FRYL: variants seen among roughly 807,000 people sequenced by gnomAD.
FRYL encodes FRY like transcription coactivator.
FRYL carries 150 observed loss-of-function variants against 351.2 expected under a neutral mutation model. The observed-to-expected ratio is 0.43, with a 90% CI of 0.37 to 0.49. The LOEUF (loss-of-function observed/expected upper bound fraction) is 0.49, where lower values mean the gene tolerates loss of function less well. FRYL is among the 20% of genes least tolerant of loss of function. The probability of loss-of-function intolerance (pLI) is 0.00; values close to 1 mark genes in which losing one functional copy is unlikely to be tolerated. For missense variants in FRYL, 3,036 were observed against 3,619.3 expected (o/e 0.84, Z 4.13); for synonymous variants, 1,153 against 1,257.1 (o/e 0.92, Z 1.75).
intron 31 of FRYL, among the ~76,000 whole-genome samples, 188 bp downstream of exon 31, chr4:48,563,760 A>G (rs530618592): frequency 2.0e-4 from 30 of 152,172 alleles, no homozygotes; most frequent in African/African-American, 6.7e-4. Flanking sequence ...AAATACAAAT[A>G]CTACAGCATT....
At chr4:48,702,777 GAAAA>G (rs1560881186) in intron 2 of FRYL, among the ~76,000 whole-genome samples, 1 of 142,090 alleles carries the variant, frequency 7.0e-6, no homozygotes, top group African/African-American at 2.6e-5. Context: ...AAAAAAAAAA[GAAAA>G]AGAAAGAAAA....
intron 3 of FRYL, among the ~76,000 whole-genome samples, chr4:48,664,416 G>A (rs1265030319): frequency 6.6e-6 from 1 of 152,174 alleles, no homozygotes; most frequent in African/African-American, 2.4e-5. Flanking sequence ...ATGAAAATAA[G>A]GAAACAGATT....
At chr4:48,738,085 A>G (rs1771640038) in intron 1 of FRYL, among the ~76,000 whole-genome samples, 1 of 152,218 alleles carries the variant, frequency 6.6e-6, no homozygotes, top group East Asian at 1.9e-4. Context: ...TTTCAATATC[A>G]TACTAGACGT....
chr4:48,622,960 G>A lies in FRYL; in HGVS notation c.174+166C>T, dbSNP rs540157444. On this transcript the variant is annotated intron_variant, in intron 5 of 63. Transcript: ENST00000358350. The stretch of plus-strand genomic sequence containing the variant: ...GCTAAATGAAGTGAAACTAATCACA[G>A]CTCATTATACTACTTATTTAAAAAA... Among the ~76,000 whole-genome samples the A allele has an allele frequency of 5.9e-5, 9 of 152,020 alleles. No individual in the cohort carries two copies. In the East Asian group the frequency reaches 1.7e-3, roughly 29 times the overall value.
chr4:48,642,746 T>C (rs913840191), intron 3 of FRYL, among the ~76,000 whole-genome samples: 10 of 152,116 alleles, frequency 6.6e-5, no homozygotes, highest in African/African-American at 2.4e-4. Context: ...TATAGTTTCC[T>C]TGAGGTTATT....
chr4:48,696,640 C>G (rs993568109), intron 2 of FRYL, among the ~76,000 whole-genome samples: 5 of 151,960 alleles, frequency 3.3e-5, no homozygotes, highest in African/African-American at 1.2e-4. Flanking sequence ...CACACGTATA[C>G]CTATACAACA....
At chr4:48,653,667 T>A (rs1305109162) in intron 3 of FRYL, 1 of 1,234,202 alleles carries the variant, frequency 8.1e-7, no homozygotes, top group Non-Finnish European at 1.1e-6. Context: ...ATGGCAATGA[T>A]AATAATACCT....
intron 48 of FRYL, among the ~76,000 whole-genome samples, chr4:48,535,358 G>C (rs1157122866): frequency 2.0e-5 from 3 of 151,906 alleles, no homozygotes; most frequent in Non-Finnish European, 4.4e-5. Flanking sequence ...CTTAAGGACA[G>C]TAAATAAGGA....
At chr4:48,617,096 A>G (rs1373770147) in intron 7 of FRYL, among the ~76,000 whole-genome samples, 2 of 152,188 alleles carry the variant, frequency 1.3e-5, no homozygotes, top group Non-Finnish European at 1.5e-5. Flanking sequence ...GGTGAGATAC[A>G]TATAAATGTA....
In FRYL at chr4:48,540,972, G is replaced by A. The variant is rs1204903105; in HGVS notation, c.5688-12C>T. Reference sequence around the variant, plus strand: ...CATGATATGAGGTTCTTAAAAAAAAGAAAGAATAGATGAATGCATACCCAG... The same window carrying A: ...CATGATATGAGGTTCTTAAAAAAAAAAAAGAATAGATGAATGCATACCCAG... On this transcript the variant is annotated splice_polypyrimidine_tract_variant and intron_variant, in intron 45 of 63. Coordinates refer to ENST00000358350, the MANE Select transcript of FRYL (RefSeq NM_015030.2). 2 of 1,530,930 alleles carry A rather than the reference G, an allele frequency of 1.3e-6. No individual in the cohort carries two copies. Among genetic ancestry groups the A allele is most frequent in the Non-Finnish European group, 1.8e-6 (2 of 1,138,586 alleles). The allele number at this position is 1,530,930 out of a possible 1,614,324, so 94.8% of individuals were successfully genotyped here. A position where few individuals can be genotyped will look rare whatever the true frequency, so the allele number is the denominator to read the frequency against.
chr4:48,682,775 T>C (rs1764759321), intron 3 of FRYL, among the ~76,000 whole-genome samples: 2 of 151,968 alleles, frequency 1.3e-5, no homozygotes, highest in South Asian at 4.1e-4. Flanking sequence ...ACAACAGATG[T>C]TGGAGAGGAT....
intron 21 of FRYL, 111 bp downstream of exon 21, chr4:48,581,309 T>C (rs1170847813): frequency 6.7e-5 from 57 of 850,902 alleles, no homozygotes; most frequent in Non-Finnish European, 9.2e-5. Flanking sequence ...TTGAGAACGG[T>C]AGGTTAGTTT....
At chr4:48,747,842 T>C (rs1369050425) in intron 1 of FRYL, among the ~76,000 whole-genome samples, 2 of 152,240 alleles carry the variant, frequency 1.3e-5, no homozygotes, top group Non-Finnish European at 2.9e-5. Flanking sequence ...GAAAATTTAC[T>C]CATAAATTCC....
At chr4:48,665,035 G>C (rs888912051) in intron 3 of FRYL, among the ~76,000 whole-genome samples, 1 of 152,208 alleles carries the variant, frequency 6.6e-6, no homozygotes, top group African/African-American at 2.4e-5. Flanking sequence ...GATTGGACCA[G>C]TGCAATAATA....
At chr4:48,673,719 G>T (rs1302514864) in intron 3 of FRYL, among the ~76,000 whole-genome samples, 1 of 152,154 alleles carries the variant, frequency 6.6e-6, no homozygotes, top group Non-Finnish European at 1.5e-5. Context: ...AAGTTCCCAG[G>T]AATGTTTAAA....
chr4:48,758,932 G>A (rs1469671914), intron 1 of FRYL, among the ~76,000 whole-genome samples: 2 of 152,094 alleles, frequency 1.3e-5, no homozygotes, highest in Non-Finnish European at 2.9e-5. Flanking sequence ...TCCTTTGTAG[G>A]GACATGGATG....
At chr4:48,642,197 G>A (rs1755466195) in intron 3 of FRYL, among the ~76,000 whole-genome samples, 1 of 151,888 alleles carries the variant, frequency 6.6e-6, no homozygotes, top group African/African-American at 2.4e-5. Context: ...TATTTGTAGA[G>A]ACAAATATTC....
Position 48,534,553 on chromosome 4 carries a change from A to G in FRYL, c.6697T>C (p.Tyr2233His), listed in dbSNP as rs1264097451. ...GTTTTGTGGTCACTCACCTGTACATATTTGCCAATAATCTTTATGATCTCC... is the reference window on the plus strand; with the variant it reads ...GTTTTGTGGTCACTCACCTGTACATGTTTGCCAATAATCTTTATGATCTCC... ...NLEIIKIIGK[Y>H]VQSPYWKEAL... Residue 2233 changes from tyrosine (Y) to histidine (H), a missense_variant, in exon 49 of 64, where the codon TAT (tyrosine) becomes CAT (histidine). Tyr to His is a moderately conservative substitution (Grantham distance 83). Transcript: ENST00000358350. 6.2e-7 allele frequency: 1 copy of G among 1,611,894 alleles called. No homozygotes were observed. The highest frequency in any genetic ancestry group is 8.5e-7 in the Non-Finnish European group (1 of 1,178,956).
At chr4:48,613,234 C>T (rs1472327474) in intron 7 of FRYL, among the ~76,000 whole-genome samples, 1 of 152,052 alleles carries the variant, frequency 6.6e-6, no homozygotes, top group African/African-American at 2.4e-5. Context: ...TGACTGCAAC[C>T]CATCACATGA....
Sources: allele counts gnomAD v4.1 joint callset (sites outside exome capture counted in the v4.1 genomes callset), GRCh38; gene constraint gnomAD v4.1.1; transcripts MANE v1.5; gene names NCBI Gene and HGNC (gene_info 2026-07-23, HGNC 2026-07-21).